The following GFAP variants were observed in gnomAD, a reference collection of about 807,000 sequenced individuals.
GFAP encodes the protein glial fibrillary acidic protein, also known as intermediate filament protein.
GFAP carries 38 observed loss-of-function variants against 49.3 expected under a neutral mutation model. The observed-to-expected ratio is 0.77, with a 90% CI of 0.60 to 1.01. GFAP has a LOEUF of 1.01. Ranked by LOEUF, GFAP falls within the 50% of genes least tolerant of loss-of-function variation. The probability of loss-of-function intolerance (pLI) is 0.00; values close to 1 mark genes in which losing one functional copy is unlikely to be tolerated. For synonymous variants in GFAP, 222 were observed against 236.4 expected (o/e 0.94, Z 0.56); for missense variants, 463 against 579.1 (o/e 0.80, Z 2.06).
chr17:44,914,627 A>G, intron 1 of GFAP: 1 of 249,632 alleles, frequency 4.0e-6, no homozygotes. Context: ...TCACCCCAGA[A>G]TCCAATCTCC....
chr17:44,904,288 G>T lies in GFAP; in HGVS notation c.*3059C>A. The T allele has an allele frequency of 6.5e-7, 1 of 1,549,236 alleles. No individual in the cohort carries two copies. Among genetic ancestry groups the T allele is most frequent in the South Asian group, 1.2e-5 (1 of 83,834 alleles). On this transcript the variant is annotated 3_prime_UTR_variant, in exon 9 of 9. Transcript: ENST00000588735. ...GAATGGTGGCCACTTTCCAGGACAAGGGCCAGGAGCCCTTTGCAGATGAAT... is the reference window on the plus strand; with the variant it reads ...GAATGGTGGCCACTTTCCAGGACAATGGCCAGGAGCCCTTTGCAGATGAAT...
In GFAP at chr17:44,910,607, G is replaced by C; in HGVS notation, c.1171+8C>G. On this transcript the variant is annotated splice_region_variant and intron_variant, in intron 7 of 8. Transcript: ENST00000588735. The stretch of plus-strand genomic sequence containing the variant: ...AGTGCCCTTCCCACGAGGCCCTGCT[G>C]TACTGACCTCGAATCTGCAGGTTGG... The C allele has an allele frequency of 1.3e-6, 2 of 1,573,466 alleles. No homozygotes were observed.
At chr17:44,914,766 G>T in intron 1 of GFAP, 1 of 555,488 alleles carries the variant, frequency 1.8e-6, no homozygotes, top group Admixed American at 3.2e-5. Flanking sequence ...CGCTGCTCCT[G>T]CACTGCTTTC....
intron 1 of GFAP, chr17:44,914,487 A>G (rs1325936083): frequency 4.2e-6 from 1 of 238,100 alleles, no homozygotes; most frequent in Non-Finnish European, 8.2e-6. Context: ...CCACCTTTTG[A>G]AATGAATTTT....
chr17:44,904,787 ATGAGGG>A lies in GFAP; in HGVS notation c.*2554_*2559del, dbSNP rs1272539064. ...GTACCTGAAGGGTGTCAACAGGTCC[ATGAGGG>A]TGTTCATTGACCACGGCAACCAGCT... is the stretch of plus-strand genomic sequence containing the variant. On this transcript the variant is annotated 3_prime_UTR_variant, in exon 9 of 9. Coordinates refer to ENST00000588735, the MANE Select transcript of GFAP (RefSeq NM_002055.5). The A allele has an allele frequency of 1.3e-6, 2 of 1,550,520 alleles. No individual in the cohort carries two copies. The highest frequency in any genetic ancestry group is 8.7e-7 in the Non-Finnish European group (1 of 1,146,982).
In GFAP at chr17:44,907,948, G is replaced by A. The variant is rs911565166; in HGVS notation, c.1257+116C>T. 5.0e-6 allele frequency: 4 copies of A among 793,636 alleles called. No individual in the cohort carries two copies. In the African/African-American group the frequency reaches 6.7e-5, roughly 13 times the overall value. The allele number at this position is 793,636 out of a possible 1,614,324, so 49.2% of individuals were successfully genotyped here. On this transcript the variant is annotated intron_variant, in intron 8 of 8. Transcript: ENST00000588735. ...GCTCTCCTCCAGAATTCCCTGGGGA[G>A]CTACTGGGAGTTGCTGGGAACCTTC... is the stretch of plus-strand genomic sequence containing the variant.
At position 44,911,416 on chromosome 17, in the gene GFAP, C is replaced by T. The variant is rs140004406; in HGVS notation, c.947G>A (p.Arg316Gln). ...LERQMREQEE[R>Q]HVREAASYQE... ...ATAACTGGCCGCCTCCCGCACGTGCCGCTCCTCCTGCTCGCGCATCTGCCT... is the reference window on the plus strand; with the variant it reads ...ATAACTGGCCGCCTCCCGCACGTGCTGCTCCTCCTGCTCGCGCATCTGCCT... The change falls in exon 6 of 9, where the codon CGG becomes CAG. Residue 316 changes from arginine (R) to glutamine (Q), a missense_variant. Coordinates refer to ENST00000588735, the MANE Select transcript of GFAP (RefSeq NM_002055.5). 314 of 1,612,552 alleles carry T rather than the reference C, an allele frequency of 1.9e-4. 1 individual carries two copies. The highest frequency in any genetic ancestry group is 1.9e-4 in the Non-Finnish European group (226 of 1,179,370).
intron 3 of GFAP, 48 bp from the exon 4 acceptor site, chr17:44,913,478 A>G (rs374154277): frequency 9.4e-6 from 15 of 1,597,516 alleles, no homozygotes; most frequent in African/African-American, 1.3e-5. Flanking sequence ...TACAGGCCAC[A>G]GCTGGGGTTC....
In GFAP at chr17:44,914,055, G is replaced by C. The variant is rs1306438057; in HGVS notation, c.495C>G (p.Ala165=). 3.2e-6 allele frequency: 5 copies of C among 1,558,432 alleles called. No individual in the cohort carries two copies. Among genetic ancestry groups the C allele is most frequent in the Non-Finnish European group, 4.3e-6 (5 of 1,150,546 alleles). ...LQDETNLRLE[A]ENNLAAYRQE... Reference sequence around the variant, plus strand: ...GTCTATAGGCAGCCAGGTTGTTCTCGGCTTCCAGCCTCAGGTTGGTTTCAT... The same window carrying C: ...GTCTATAGGCAGCCAGGTTGTTCTCCGCTTCCAGCCTCAGGTTGGTTTCAT... Residue 165 remains alanine (A), a synonymous_variant, in exon 2 of 9, where the codon GCC becomes GCG. Transcript: ENST00000588735.
rs2051595926 is a variant in GFAP at position 44,903,441 on chromosome 17, C to T, written c.*3906G>A. The T allele has an allele frequency of 1.6e-6, 2 of 1,251,412 alleles. No individual in the cohort carries two copies. 77.5% of individuals were successfully genotyped at this position (1,251,412 alleles called of 1,614,324 possible). A position where few individuals can be genotyped will look rare whatever the true frequency, so the allele number is the denominator to read the frequency against. On this transcript the variant is annotated 3_prime_UTR_variant, in exon 9 of 9. Coordinates refer to ENST00000588735, the MANE Select transcript of GFAP (RefSeq NM_002055.5). Reference sequence around the variant, plus strand: ...CCCCCAGGTTGATGAAAGACTTTTCCACCAGGCTGGCAGGGCAGGGCCTGG... The same window carrying T: ...CCCCCAGGTTGATGAAAGACTTTTCTACCAGGCTGGCAGGGCAGGGCCTGG...
chr17:44,911,179 T>G, intron 6 of GFAP, 57 bp downstream of exon 6: 92 of 1,473,952 alleles, frequency 6.2e-5, no homozygotes, highest in Non-Finnish European at 8.0e-5. Context: ...GGGAGCAAGA[T>G]GAGCTCTACC....
Position 44,903,762 on chromosome 17 carries a change from C to G in GFAP, c.*3585G>C. ...AGAGGCTTCCGCTTAGCAGAGCTTT[C>G]TAGGAGCCCTATGAGCCTTTAATGC... On this transcript the variant is annotated 3_prime_UTR_variant, in exon 9 of 9. Coordinates refer to ENST00000588735, the MANE Select transcript of GFAP (RefSeq NM_002055.5). 3 of 1,476,466 alleles carry G rather than the reference C, an allele frequency of 2.0e-6. No homozygotes were observed. The highest frequency in any genetic ancestry group is 2.7e-6 in the Non-Finnish European group (3 of 1,115,122). The allele number at this position is 1,476,466 out of a possible 1,614,324, so 91.5% of individuals were successfully genotyped here.
rs1285234929 is a variant in GFAP, at chr17:44,910,651, T to C, written c.1135A>G (p.Ile379Val). Reference protein sequence around the residue: ...LLEGEENRITIPVQTFSNLQI... With the variant: ...LLEGEENRITVPVQTFSNLQI... ...AGGTTGGAGAAGGTCTGCACGGGAATGGTGATCCTGAAAGAAAGCAGAGGG... is the reference window on the plus strand; with the variant it reads ...AGGTTGGAGAAGGTCTGCACGGGAACGGTGATCCTGAAAGAAAGCAGAGGG... Residue 379 changes from isoleucine (I) to valine (V), a missense_variant, in exon 7 of 9, where the codon ATT (isoleucine) becomes GTT (valine). By Grantham distance (29) the Ile-to-Val change is conservative (BLOSUM62 3). Coordinates refer to ENST00000588735, the MANE Select transcript of GFAP (RefSeq NM_002055.5). 2.5e-6 allele frequency: 4 copies of C among 1,586,544 alleles called. No individual in the cohort carries two copies. In the African/African-American group the frequency reaches 5.4e-5, roughly 21 times the overall value.
chr17:44,910,829 C>T (rs986366587), intron 6 of GFAP, 171 bp from the exon 7 acceptor site: 7 of 907,156 alleles, frequency 7.7e-6, no homozygotes, highest in East Asian at 2.6e-5. Context: ...GAGTTCCAAA[C>T]GTCTGCAAGG....
In GFAP at chr17:44,904,739, C is replaced by G. The variant is rs139603380; in HGVS notation, c.*2608G>C. On this transcript the variant is annotated 3_prime_UTR_variant, in exon 9 of 9. Coordinates refer to ENST00000588735, the MANE Select transcript of GFAP (RefSeq NM_002055.5). The stretch of plus-strand genomic sequence containing the variant: ...GCATGCAGTGGCCTGGGACAAAGAC[C>G]GCCAGCACCTCTACCGCACACAGTA... The G allele has an allele frequency of 3.7e-5, 58 of 1,550,442 alleles. No homozygotes were observed. The East Asian group carries it at 1.4e-3, about 37-fold the overall frequency.
At chr17:44,910,818 G>A (rs2051746082) in intron 6 of GFAP, 160 bp from the exon 7 acceptor site, 2 of 1,050,180 alleles carry the variant, frequency 1.9e-6, no homozygotes, top group Non-Finnish European at 2.8e-6. Context: ...CGTGCTATCT[G>A]GAGTTCCAAA....
chr17:44,903,869 G>A lies in GFAP; in HGVS notation c.*3478C>T, dbSNP rs865845524. 2.6e-6 allele frequency: 4 copies of A among 1,511,920 alleles called. No homozygotes were observed. The highest frequency in any genetic ancestry group is 2.9e-5 in the African/African-American group (2 of 68,322). The allele number at this position is 1,511,920 out of a possible 1,614,324, so 93.7% of individuals were successfully genotyped here. On this transcript the variant is annotated 3_prime_UTR_variant, in exon 9 of 9. Transcript: ENST00000588735. ...CACCACTGTGCTCCTGTGGGCATGG[G>A]GGCTCCAGGCCTTTGAAATTGTGGA...
At chr17:44,909,786 G>A in intron 7 of GFAP, 1 of 1,127,832 alleles carries the variant, frequency 8.9e-7, no homozygotes, top group Non-Finnish European at 1.1e-6. Context: ...CCTCAGGGAT[G>A]AAAGAATAAA....
chr17:44,913,882 C>G, intron 2 of GFAP, 59 bp from the exon 3 acceptor site: 1 of 1,446,418 alleles, frequency 6.9e-7, no homozygotes, highest in Non-Finnish European at 9.7e-7. Flanking sequence ...CTCCTTCTCC[C>G]CATTCCTCAG....
Sources: gnomAD v4.1 joint callset for allele counts on GRCh38, gnomAD v4.1.1 for gene constraint, MANE v1.5 for transcripts, NCBI Gene and HGNC (gene_info 2026-07-23, HGNC 2026-07-21) for gene names.